AGBL1: variants seen among roughly 807,000 people sequenced by gnomAD.
The protein encoded by AGBL1 is AGBL carboxypeptidase 1.
In AGBL1, 130 loss-of-function variants were observed where a neutral mutation model predicts 118.9. The ratio of observed to expected loss-of-function variants is 1.09; its 90% CI spans 0.95 to 1.26. AGBL1 has a LOEUF of 1.26. AGBL1 is among the 50% of genes most tolerant of loss of function. AGBL1 has a pLI of 0.00. For synonymous variants in AGBL1, 555 were observed against 478.9 expected (o/e 1.16, Z -2.08); for missense variants, 1,584 against 1,298.1 (o/e 1.22, Z -3.38).
At chr15:86,858,051 C>G (rs1398808863) in intron 22 of AGBL1, among the ~76,000 whole-genome samples, 1 of 152,120 alleles carries the variant, frequency 6.6e-6, no homozygotes, top group Admixed American at 6.6e-5. Flanking sequence ...CACGTAACAC[C>G]TTATATCCAC....
chr15:86,702,341 A>T (rs2086374790), intron 22 of AGBL1, among the ~76,000 whole-genome samples: 1 of 152,046 alleles, frequency 6.6e-6, no homozygotes, highest in Non-Finnish European at 1.5e-5. Flanking sequence ...CTAGAGTGGA[A>T]CTCTAGCAGG....
At chr15:86,947,184 C>A (rs2080835317) in intron 23 of AGBL1, among the ~76,000 whole-genome samples, 1 of 152,142 alleles carries the variant, frequency 6.6e-6, no homozygotes, top group African/African-American at 2.4e-5. Context: ...ATGAAAGCTG[C>A]CCGGCTCCTG....
In AGBL1 at chr15:86,171,841, C is replaced by T. The variant is rs142171994; in HGVS notation, c.488+12815C>T. Among the ~76,000 whole-genome samples, 461 of 152,184 alleles carry T rather than the reference C, an allele frequency of 3.0e-3. 2 individuals carry two copies. Among genetic ancestry groups the T allele is most frequent in the Middle Eastern group, 6.8e-3 (2 of 294 alleles). On this transcript the variant is annotated intron_variant, in intron 5 of 22. Coordinates refer to ENST00000614907, the MANE Select transcript of AGBL1 (RefSeq NM_001386094.1). Reference sequence around the variant, plus strand: ...TAAAGAAATTGTGGTATAAATATACCGTGGGATACCACTTAGCCATAAAAA... The same window carrying T: ...TAAAGAAATTGTGGTATAAATATACTGTGGGATACCACTTAGCCATAAAAA...
At chr15:86,141,049 C>T (rs568132176) in intron 1 of AGBL1, among the ~76,000 whole-genome samples, 4 of 152,302 alleles carry the variant, frequency 2.6e-5, no homozygotes, top group African/African-American at 7.2e-5. Flanking sequence ...ACCCTCTCCT[C>T]CAAATATCTT....
Position 86,790,635 on chromosome 15 carries a change from T to G in AGBL1, c.3158+116199T>G, listed in dbSNP as rs1467239404. Among the ~76,000 whole-genome samples, 4 of 152,306 alleles carry G rather than the reference T, an allele frequency of 2.6e-5. No homozygotes were observed. In the East Asian group the frequency reaches 7.7e-4, roughly 29 times the overall value. The stretch of plus-strand genomic sequence containing the variant: ...TTAATGTATTTTATGGGAAATGATT[T>G]CCATTGGAATACTAATAGGGTAGCA... On this transcript the variant is annotated intron_variant, in intron 22 of 22. Coordinates refer to ENST00000614907, the MANE Select transcript of AGBL1 (RefSeq NM_001386094.1).
intron 21 of AGBL1, among the ~76,000 whole-genome samples, chr15:86,575,182 C>G (rs1339960452): frequency 2.0e-5 from 3 of 151,580 alleles, no homozygotes; most frequent in Non-Finnish European, 2.9e-5. Context: ...GAGGGAGACT[C>G]TGTCTCAAAA....
At chr15:86,541,715 G>A (rs1233718111) in intron 19 of AGBL1, among the ~76,000 whole-genome samples, 1 of 151,680 alleles carries the variant, frequency 6.6e-6, no homozygotes, top group African/African-American at 2.4e-5. Context: ...TAACTGAGGA[G>A]ACTAGCTTTC....
intron 5 of AGBL1, among the ~76,000 whole-genome samples, chr15:86,176,094 A>G (rs1467548398): frequency 2.0e-5 from 3 of 152,168 alleles, no homozygotes; most frequent in African/African-American, 4.8e-5. Flanking sequence ...GAATTCCCCA[A>G]CTATTATTGA....
intron 21 of AGBL1, among the ~76,000 whole-genome samples, chr15:86,635,921 G>A (rs2085074308): frequency 6.6e-6 from 1 of 152,168 alleles, no homozygotes; most frequent in African/African-American, 2.4e-5. Flanking sequence ...CATTGGGTGA[G>A]TCAGCACAGT....
intron 22 of AGBL1, among the ~76,000 whole-genome samples, chr15:86,806,715 G>C (rs1442753646): frequency 6.6e-6 from 1 of 151,702 alleles, no homozygotes; most frequent in Non-Finnish European, 1.5e-5. Flanking sequence ...ACTCATAAGA[G>C]TGCTGCTACT....
intron 17 of AGBL1, among the ~76,000 whole-genome samples, chr15:86,363,509 C>A (rs1285743235): frequency 6.6e-6 from 1 of 152,136 alleles, no homozygotes; most frequent in East Asian, 1.9e-4. Flanking sequence ...ATTTCCTCAC[C>A]TTCTGGAAGC....
chr15:86,478,722 G>GA (rs1244390103), intron 18 of AGBL1, among the ~76,000 whole-genome samples: 2 of 152,006 alleles, frequency 1.3e-5, no homozygotes, highest in Non-Finnish European at 2.9e-5. Flanking sequence ...CACAGAATTG[G>GA]AAAAAACTAC....
In AGBL1 at chr15:86,674,360, T is replaced by C. The variant is rs746188047; in HGVS notation, c.3082T>C (p.Cys1028Arg). The C allele has an allele frequency of 1.9e-5, 31 of 1,612,874 alleles. No homozygotes were observed. In the Admixed American group the frequency reaches 2.7e-4, roughly 14 times the overall value. ...CATCCTGGAGCTCAAATCTGCCAGC[T>C]GCAGCCATCAGCTCCTGGCTCAAGC... ...LLILELKSAS[C>R]SHQLLAQAAT... The change falls in exon 22 of 23, where the codon TGC becomes CGC. Residue 1028 changes from cysteine to arginine, a missense_variant. Physicochemically the swap from Cys to Arg is radical, Grantham distance 180. Transcript: ENST00000614907.
chr15:86,730,828 T>A (rs777076576), intron 22 of AGBL1, among the ~76,000 whole-genome samples: 11 of 152,066 alleles, frequency 7.2e-5, no homozygotes, highest in Non-Finnish European at 1.2e-4. Context: ...TATTTTATTT[T>A]ATTTATTTAT....
chr15:86,480,194 G>T (rs73457615), intron 18 of AGBL1, among the ~76,000 whole-genome samples: 6,498 of 152,152 alleles, frequency 0.043, 490 homozygotes, highest in African/African-American at 0.15. Context: ...CCTGCACGTT[G>T]TGCACATGCA....
intron 23 of AGBL1, among the ~76,000 whole-genome samples, chr15:86,923,909 T>C (rs975141665): frequency 3.9e-5 from 6 of 152,226 alleles, no homozygotes; most frequent in Admixed American, 3.3e-4. Flanking sequence ...ACGAAAATCC[T>C]CTACTTTTCC....
chr15:86,125,471 A>G (rs1036170487), intron 1 of AGBL1, among the ~76,000 whole-genome samples: 4 of 152,136 alleles, frequency 2.6e-5, no homozygotes, highest in Non-Finnish European at 1.5e-5. Flanking sequence ...TGCGTTGAGA[A>G]CTCCCATTCT....
At chr15:86,311,469 A>G (rs1400674186) in intron 17 of AGBL1, among the ~76,000 whole-genome samples, 1 of 152,228 alleles carries the variant, frequency 6.6e-6, no homozygotes, top group Non-Finnish European at 1.5e-5. Flanking sequence ...ATTCCTGCTG[A>G]AAAGAATACG....
intron 23 of AGBL1, among the ~76,000 whole-genome samples, chr15:86,987,765 A>T (rs2081299097): frequency 6.6e-6 from 1 of 152,124 alleles, no homozygotes; most frequent in Non-Finnish European, 1.5e-5. Context: ...AGATTCTTAG[A>T]CCACCATATA....
Sources: allele counts gnomAD v4.1 joint callset (sites outside exome capture counted in the v4.1 genomes callset), GRCh38; gene constraint gnomAD v4.1.1; transcripts MANE v1.5; gene names NCBI Gene and HGNC (gene_info 2026-07-23, HGNC 2026-07-21).